KCNQ1: variants seen among roughly 807,000 people sequenced by gnomAD.
The protein encoded by KCNQ1 is potassium voltage-gated channel subfamily Q member 1.
A neutral mutation model predicts 72.4 loss-of-function variants in KCNQ1; 49 were observed. The observed-to-expected ratio is 0.68, with a 90% CI of 0.54 to 0.86. KCNQ1 has a LOEUF of 0.86. KCNQ1 is among the 40% of genes least tolerant of loss of function. The pLI is 0.00. For synonymous variants in KCNQ1, 450 were observed against 412.6 expected, an observed-to-expected ratio of 1.09 and a Z score of -1.10; for missense variants, 790 against 945.1, an observed-to-expected ratio of 0.84 and a Z score of 2.15.
At position 2,766,308 on chromosome 11, in the gene KCNQ1, A is replaced by G. The variant is rs983561559; in HGVS notation, c.1515-2536A>G. Among the ~76,000 whole-genome samples the G allele has an allele frequency of 6.6e-6, 1 of 152,258 alleles. No individual in the cohort carries two copies. The highest frequency in any genetic ancestry group is 2.4e-5 in the African/African-American group (1 of 41,466). On this transcript the variant is annotated intron_variant, in intron 11 of 15. Coordinates refer to ENST00000155840, the MANE Select transcript of KCNQ1 (RefSeq NM_000218.3). This position sits in a 1 kb window ranked among gnomAD's most constrained non-coding sequence, Gnocchi z 4.4. ...GGTGGTCTCACTTGGATTCGATGACATGGCAGTACTTGCATGGTGATGTGG... is the reference window on the plus strand; with the variant it reads ...GGTGGTCTCACTTGGATTCGATGACGTGGCAGTACTTGCATGGTGATGTGG...
intron 15 of KCNQ1, among the ~76,000 whole-genome samples, chr11:2,837,750 C>G (rs1326201030): frequency 2.0e-5 from 3 of 152,206 alleles, no homozygotes; most frequent in Non-Finnish European, 2.9e-5. Context: ...GGTGGATGCT[C>G]CAGGAGGCAG....
Position 2,682,932 on chromosome 11 carries a change from T to C in KCNQ1, c.1514+20851T>C. The stretch of plus-strand genomic sequence containing the variant: ...TGGCACCTGGAGAGGTGCTCAGGTC[T>C]GTGTGGAAGAAAGGACAGGAGTCCT... On this transcript the variant is annotated intron_variant, in intron 11 of 15. Transcript: ENST00000155840. The surrounding 1 kb of genome is among the most constrained non-coding windows in gnomAD (Gnocchi z 5.8). 2.5e-6 allele frequency: 1 copy of C among 398,614 alleles called. No individual in the cohort carries two copies. The highest frequency in any genetic ancestry group is 3.6e-5 in the East Asian group (1 of 28,066). The allele number at this position is 398,614 out of a possible 1,614,324, so 24.7% of individuals were successfully genotyped here. A position where few individuals can be genotyped will look rare whatever the true frequency, so the allele number is the denominator to read the frequency against.
At chr11:2,692,203 G>A (rs979171935) in intron 11 of KCNQ1, 6 of 398,660 alleles carry the variant, frequency 1.5e-5, no homozygotes, top group Non-Finnish European at 2.7e-5. Context: ...GGTCATTTCC[G>A]ATACACCCGC....
At chr11:2,551,794 C>T (rs917098511) in intron 2 of KCNQ1, among the ~76,000 whole-genome samples, 8 of 152,244 alleles carry the variant, frequency 5.3e-5, no homozygotes, top group African/African-American at 1.4e-4. Context: ...TTTGCCCATC[C>T]TAAAGGCTGG....
chr11:2,659,846 A>G lies in KCNQ1; in HGVS notation c.1394-2115A>G, dbSNP rs182724167. On this transcript the variant is annotated intron_variant, in intron 10 of 15. Transcript: ENST00000155840. This position sits in a 1 kb window ranked among gnomAD's most constrained non-coding sequence, Gnocchi z 4.3. The stretch of plus-strand genomic sequence containing the variant: ...ATTTCCATATTTATGTTAATTATGT[A>G]TCTTTTCATGTGCTTATTTATAATC... 63 of 398,294 alleles carry G rather than the reference A, an allele frequency of 1.6e-4. No homozygotes were observed. In the Admixed American group the frequency reaches 2.5e-3, roughly 16 times the overall value. The allele number at this position is 398,294 out of a possible 1,614,324, so 24.7% of individuals were successfully genotyped here. A position where few individuals can be genotyped will look rare whatever the true frequency, so the allele number is the denominator to read the frequency against.
At chr11:2,716,185 G>T (rs1404882033) in intron 11 of KCNQ1, among the ~76,000 whole-genome samples, 1 of 152,136 alleles carries the variant, frequency 6.6e-6, no homozygotes, top group African/African-American at 2.4e-5. Flanking sequence ...CTTTTGGAGG[G>T]GTCGTGAATA....
Position 2,731,961 on chromosome 11 carries a change from G to A in KCNQ1, c.1515-36883G>A, listed in dbSNP as rs184352029. 1.5e-3 allele frequency among the ~76,000 whole-genome samples: 222 copies of A among 152,378 alleles called. 2 individuals carry two copies. The highest frequency in any genetic ancestry group is 4.9e-3 in the African/African-American group (203 of 41,594). ...GCAGAGAGGAGAGGAGAGGGAGGCC[G>A]CCTTGCCAGCAGGGGACCAGCGAGG... On this transcript the variant is annotated intron_variant, in intron 11 of 15. Transcript: ENST00000155840.
intron 15 of KCNQ1, among the ~76,000 whole-genome samples, chr11:2,804,298 G>T (rs1847332291): frequency 6.6e-6 from 1 of 152,136 alleles, no homozygotes; most frequent in Admixed American, 6.5e-5. Flanking sequence ...ACGTCATTTT[G>T]CAGAAGGGAA....
chr11:2,463,923 C>T lies in KCNQ1; in HGVS notation c.386+18439C>T, dbSNP rs1434987487. Among the ~76,000 whole-genome samples the T allele has an allele frequency of 6.6e-6, 1 of 152,232 alleles. No homozygotes were observed. Among genetic ancestry groups the T allele is most frequent in the Non-Finnish European group, 1.5e-5 (1 of 68,038 alleles). ...GGAAGGTTCTCCCCACGGTGTGAGG[C>T]AGCACCGAGGGCTCCGTGCCCAGCA... On this transcript the variant is annotated intron_variant, in intron 1 of 15. Transcript: ENST00000155840. This position sits in a 1 kb window ranked among gnomAD's most constrained non-coding sequence, Gnocchi z 7.0.
At position 2,843,257 on chromosome 11, in the gene KCNQ1, T is replaced by C. The variant is rs557541157; in HGVS notation, c.1795-4510T>C. Among the ~76,000 whole-genome samples the C allele has an allele frequency of 1.6e-4, 24 of 152,376 alleles. No homozygotes were observed. In the East Asian group the frequency reaches 4.4e-3, roughly 28 times the overall value. ...CACGAACCGCGACCTTACCACGTGC[T>C]GTGACCTATTGCCACTTGTGCCCAG... On this transcript the variant is annotated intron_variant, in intron 15 of 15. Coordinates refer to ENST00000155840, the MANE Select transcript of KCNQ1 (RefSeq NM_000218.3).
chr11:2,618,786 T>TTAACAA, intron 10 of KCNQ1: 1 of 398,444 alleles, frequency 2.5e-6, no homozygotes, highest in Non-Finnish European at 4.4e-6. Flanking sequence ...TATTGACATT[T>TTAACAA]TAACAATATT....
Position 2,624,373 on chromosome 11 carries a change from T to C in KCNQ1, c.1393+35519T>C, listed in dbSNP as rs1849228237. On this transcript the variant is annotated intron_variant, in intron 10 of 15. Transcript: ENST00000155840. This position sits in a 1 kb window ranked among gnomAD's most constrained non-coding sequence, Gnocchi z 4.9. Reference sequence around the variant, plus strand: ...TGTCTCCCTTCTGTGGCCTGTCCTTTCATCCTCTTGACAGTATGTTTTACA... The same window carrying C: ...TGTCTCCCTTCTGTGGCCTGTCCTTCCATCCTCTTGACAGTATGTTTTACA... 2.5e-6 allele frequency: 1 copy of C among 398,568 alleles called. No individual in the cohort carries two copies. The highest frequency in any genetic ancestry group is 4.4e-6 in the Non-Finnish European group (1 of 226,036). 24.7% of individuals were successfully genotyped at this position (398,568 alleles called of 1,614,324 possible).
rs1197495557 is a variant in KCNQ1, at chr11:2,592,572, G to A, written c.1393+3718G>A. ...GCCAGAGCACAGCAGGGGCTGGCCA[G>A]CCTAGCCCTAGAGTCTTTGCAGTGA... On this transcript the variant is annotated intron_variant, in intron 10 of 15. Transcript: ENST00000155840. The surrounding 1 kb of genome is among the most constrained non-coding windows in gnomAD (Gnocchi z 5.2). Among the ~76,000 whole-genome samples the A allele has an allele frequency of 6.6e-6, 1 of 152,200 alleles. No individual in the cohort carries two copies. Among genetic ancestry groups the A allele is most frequent in the Non-Finnish European group, 1.5e-5 (1 of 68,032 alleles).
chr11:2,749,457 G>A (rs935077244), intron 11 of KCNQ1, among the ~76,000 whole-genome samples: 1 of 152,030 alleles, frequency 6.6e-6, no homozygotes, highest in African/African-American at 2.4e-5. Context: ...AGCCTCTCTG[G>A]GCCCCAGTTC....
intron 10 of KCNQ1, chr11:2,618,651 A>C (rs1048303900): frequency 4.3e-5 from 17 of 398,474 alleles, no homozygotes; most frequent in Admixed American, 1.3e-4. Context: ...TTTTCAGAAC[A>C]GAATTTTCAG....
chr11:2,474,412 T>C (rs932367032), intron 1 of KCNQ1, among the ~76,000 whole-genome samples: 17 of 152,142 alleles, frequency 1.1e-4, no homozygotes, highest in Non-Finnish European at 2.1e-4. Flanking sequence ...ACCCGAGCCC[T>C]GTGGGAAGCC....
At chr11:2,445,842 CCTCAA>C in intron 1 of KCNQ1, among the ~76,000 whole-genome samples, 1 of 152,096 alleles carries the variant, frequency 6.6e-6, no homozygotes, top group African/African-American at 2.4e-5. Flanking sequence ...TAAGATAACT[CCTCAA>C]GGTCGGCTGA....
At chr11:2,732,859 C>T (rs1285074123) in intron 11 of KCNQ1, among the ~76,000 whole-genome samples, 1 of 152,094 alleles carries the variant, frequency 6.6e-6, no homozygotes, top group Non-Finnish European at 1.5e-5. Context: ...CCCTGGCGGT[C>T]TCCCCTGCCC....
rs1256257623 is a variant in KCNQ1 at position 2,477,422 on chromosome 11, TGA to T, written c.386+31944_386+31945del. 6.6e-6 allele frequency among the ~76,000 whole-genome samples: 1 copy of T among 152,210 alleles called. No individual in the cohort carries two copies. The stretch of plus-strand genomic sequence containing the variant: ...ATTGAATTAGGATGCCGTCTGCTAC[TGA>T]GAGAGCCAGTCATGTTAGTGGCTCA... On this transcript the variant is annotated intron_variant, in intron 1 of 15. Transcript: ENST00000155840. The surrounding 1 kb of genome is among the most constrained non-coding windows in gnomAD (Gnocchi z 5.0).
Sources: gnomAD v4.1 joint callset for allele counts (sites outside exome capture counted in the v4.1 genomes callset) on GRCh38, gnomAD v4.1.1 for gene constraint, Gnocchi (gnomAD v3.1) non-coding constraint, MANE v1.5 for transcripts, NCBI Gene and HGNC (gene_info 2026-07-23, HGNC 2026-07-21) for gene names.